ZNF385D: variants seen among roughly 807,000 people sequenced by gnomAD.
The protein encoded by ZNF385D is zinc finger protein 659.
Under a neutral mutation model 35.8 loss-of-function variants are expected in ZNF385D, and 15 were observed. The ratio of observed to expected loss-of-function variants is 0.42; its 90% confidence interval spans 0.28 to 0.64. The LOEUF (loss-of-function observed/expected upper bound fraction) is 0.64. ZNF385D is among the 30% of genes least tolerant of loss of function. The probability of loss-of-function intolerance (pLI) is 0.23; values close to 1 mark genes in which losing one functional copy is unlikely to be tolerated. For synonymous variants in ZNF385D, 212 were observed against 186.8 expected (o/e 1.13, Z -1.10); for missense variants, 474 against 494.6 (o/e 0.96, Z 0.39).
intron 2 of ZNF385D, among the ~76,000 whole-genome samples, chr3:21,607,627 C>G (rs920576849): frequency 6.6e-6 from 1 of 152,098 alleles, no homozygotes; most frequent in South Asian, 2.1e-4. Flanking sequence ...ACCAGTGTCT[C>G]TCCTGGAAAT....
rs1004640321 is a variant in ZNF385D, at chr3:22,065,589, T to C, written c.325+103228A>G. ...TTACACAAGAGGAAATTGGGCATGG[T>C]GAAAAGATCAATTTGTTGAGGAAAG... On this transcript the variant is annotated intron_variant, in intron 3 of 5. Coordinates refer to the ZNF385D transcript ENST00000494108. Among the ~76,000 whole-genome samples, 4 of 152,062 alleles carry C rather than the reference T, an allele frequency of 2.6e-5. No homozygotes were observed. In the East Asian group the frequency reaches 7.7e-4, roughly 29 times the overall value.
At chr3:22,079,603 T>G (rs2620555) in intron 3 of ZNF385D, among the ~76,000 whole-genome samples, 1 of 151,862 alleles carries the variant, frequency 6.6e-6, no homozygotes, top group African/African-American at 2.4e-5. Flanking sequence ...TATTGGGAAA[T>G]GACAGCATCC....
At chr3:22,194,568 A>G (rs529152314) in intron 2 of ZNF385D, among the ~76,000 whole-genome samples, 20 of 151,990 alleles carry the variant, frequency 1.3e-4, no homozygotes, top group Non-Finnish European at 4.4e-5. Flanking sequence ...AATTCCATAA[A>G]TTTTAACATA....
At chr3:22,243,539 G>C (rs1302209552) in intron 2 of ZNF385D, among the ~76,000 whole-genome samples, 1 of 151,042 alleles carries the variant, frequency 6.6e-6, no homozygotes, top group East Asian at 2.0e-4. Flanking sequence ...ACTGTGTTTT[G>C]AAAGTGGGGT....
At chr3:21,928,447 G>A (rs960624480) in intron 3 of ZNF385D, among the ~76,000 whole-genome samples, 2 of 149,350 alleles carry the variant, frequency 1.3e-5, no homozygotes, top group Non-Finnish European at 3.0e-5. Context: ...AAGAGGGAGA[G>A]AGCGAAGGAA....
intron 2 of ZNF385D, among the ~76,000 whole-genome samples, chr3:21,652,101 TTAAAG>T (rs1192472993): frequency 6.6e-6 from 1 of 152,216 alleles, no homozygotes; most frequent in Non-Finnish European, 1.5e-5. Context: ...GTATAAACGT[TTAAAG>T]TAAATTATAA....
chr3:21,434,494 G>A (rs1461626828), intron 5 of ZNF385D, among the ~76,000 whole-genome samples: 5 of 152,160 alleles, frequency 3.3e-5, no homozygotes, highest in Admixed American at 1.3e-4. Context: ...GATATAGAGG[G>A]AGCCAGTATG....
intron 3 of ZNF385D, among the ~76,000 whole-genome samples, chr3:21,806,495 G>C (rs909492865): frequency 1.3e-5 from 2 of 151,990 alleles, no homozygotes; most frequent in Non-Finnish European, 2.9e-5. Flanking sequence ...GTGAGCCACC[G>C]CGCCTGGCCA....
chr3:22,045,818 A>G (rs1253362188), intron 3 of ZNF385D, among the ~76,000 whole-genome samples: 1 of 152,000 alleles, frequency 6.6e-6, no homozygotes, highest in Non-Finnish European at 1.5e-5. Flanking sequence ...CTATAAGGCT[A>G]CCTGGGGCCC....
At chr3:22,145,347 A>G (rs1704784589) in intron 3 of ZNF385D, among the ~76,000 whole-genome samples, 1 of 152,218 alleles carries the variant, frequency 6.6e-6, no homozygotes, top group Non-Finnish European at 1.5e-5. Context: ...AGAAACTAAA[A>G]TGCCTAAGCT....
intron 3 of ZNF385D, among the ~76,000 whole-genome samples, chr3:22,057,770 T>C (rs1471239464): frequency 6.6e-6 from 1 of 152,122 alleles, no homozygotes; most frequent in African/African-American, 2.4e-5. Flanking sequence ...TGCCTCGGCC[T>C]CCCAAAGTGC....
At chr3:21,709,686 G>A (rs1281429938) in intron 1 of ZNF385D, among the ~76,000 whole-genome samples, 1 of 151,928 alleles carries the variant, frequency 6.6e-6, no homozygotes, top group Non-Finnish European at 1.5e-5. Flanking sequence ...TAGATAAGAG[G>A]GACGCCTCTA....
At chr3:21,464,824 A>G (rs1184403070) in intron 4 of ZNF385D, among the ~76,000 whole-genome samples, 1 of 152,062 alleles carries the variant, frequency 6.6e-6, no homozygotes, top group Non-Finnish European at 1.5e-5. Flanking sequence ...ATCCCAGAAG[A>G]TGCGTAGCCT....
intron 3 of ZNF385D, chr3:22,168,567 TA>T: frequency 6.5e-6 from 1 of 154,028 alleles, no homozygotes; most frequent in Non-Finnish European, 1.4e-5. Context: ...CAAGAAACTC[TA>T]AAACTCTAAC....
At chr3:21,664,047 T>C (rs1343856630) in intron 2 of ZNF385D, among the ~76,000 whole-genome samples, 2 of 150,426 alleles carry the variant, frequency 1.3e-5, no homozygotes, top group East Asian at 2.0e-4. Flanking sequence ...TGTCCTGTCA[T>C]TGACAAGCTC....
At chr3:21,707,175 A>G (rs548374045) in intron 1 of ZNF385D, among the ~76,000 whole-genome samples, 10 of 152,232 alleles carry the variant, frequency 6.6e-5, no homozygotes, top group African/African-American at 2.4e-4. Context: ...TTAAATAGTT[A>G]TTATTCTTTT....
exon 2 of ZNF385D, chr3:22,372,636 G>A (rs1575223657): frequency 7.5e-6 from 3 of 399,966 alleles, no homozygotes; most frequent in Non-Finnish European, 1.0e-5. Flanking sequence ...GGTGGTCGCC[G>A]CGAGCCGTGA....
intron 3 of ZNF385D, among the ~76,000 whole-genome samples, chr3:21,851,912 G>C (rs1250698476): frequency 5.3e-5 from 8 of 151,904 alleles, no homozygotes; most frequent in Non-Finnish European, 1.0e-4. Flanking sequence ...ACCTAACACA[G>C]TCCCTGTTGA....
chr3:22,118,116 C>T (rs1702901590), intron 3 of ZNF385D, among the ~76,000 whole-genome samples: 3 of 151,992 alleles, frequency 2.0e-5, no homozygotes, highest in Admixed American at 2.0e-4. Flanking sequence ...GACACAGGTA[C>T]TTTAAATAAT....
Sources: allele counts gnomAD v4.1 joint callset (sites outside exome capture counted in the v4.1 genomes callset), GRCh38; gene constraint gnomAD v4.1.1; transcripts MANE v1.5; gene names NCBI Gene and HGNC (gene_info 2026-07-23, HGNC 2026-07-21).